Variants in ADGRE1 observed in about 807,000 individuals in gnomAD.
The protein encoded by ADGRE1 is adhesion G protein-coupled receptor E1.
ADGRE1 carries 82 observed loss-of-function variants against 102.7 expected under a neutral mutation model. That is an observed-to-expected ratio of 0.80 (90% CI 0.67 to 0.96). The LOEUF (loss-of-function observed/expected upper bound fraction) is 0.96. Ranked by LOEUF, ADGRE1 falls within the 40% of genes least tolerant of loss-of-function variation. The pLI is 0.00. For missense variants in ADGRE1, 1,032 were observed against 1,085.3 expected, an observed-to-expected ratio of 0.95 and a Z score of 0.69; for synonymous variants, 398 against 399.6, an observed-to-expected ratio of 1.00 and a Z score of 0.05.
At chr19:6,939,972 GT>G in intron 20 of ADGRE1, 51 bp from the exon 21 acceptor site, 1 of 1,605,014 alleles carries the variant, frequency 6.2e-7, no homozygotes, top group South Asian at 1.1e-5. Flanking sequence ...TTGGAATCAC[GT>G]TTGTATTAAT....
chr19:6,935,816 G>A (rs745308802), intron 18 of ADGRE1, among the ~76,000 whole-genome samples: 13 of 152,290 alleles, frequency 8.5e-5, no homozygotes, highest in Non-Finnish European at 1.8e-4. Flanking sequence ...ATTTGTTTCC[G>A]ACGGTGAGAA....
chr19:6,889,504 C>T (rs1973272910), intron 1 of ADGRE1, among the ~76,000 whole-genome samples: 1 of 151,762 alleles, frequency 6.6e-6, no homozygotes, highest in Non-Finnish European at 1.5e-5. Context: ...TCCTGGCCAA[C>T]ATGGAGAAAC....
chr19:6,928,653 G>A (rs748079280), intron 17 of ADGRE1: 13 of 171,984 alleles, frequency 7.6e-5, no homozygotes, highest in Non-Finnish European at 1.6e-4. Flanking sequence ...AAATAAATAA[G>A]TTATCGGCCA....
Position 6,908,197 on chromosome 19 carries a change from C to T in ADGRE1, c.1039-492C>T, listed in dbSNP as rs564041515. ...CCTGCTGCAGATAACTAGCCAGACC[C>T]ATCCCTTTATTTCGGCCCATCCCTT... On this transcript the variant is annotated intron_variant, in intron 9 of 20. Transcript: ENST00000312053. Among the ~76,000 whole-genome samples, 5 of 152,364 alleles carry T rather than the reference C, an allele frequency of 3.3e-5. No homozygotes were observed. The East Asian group carries it at 9.6e-4, about 29-fold the overall frequency.
Position 6,904,178 on chromosome 19 carries a change from C to G in ADGRE1, c.945C>G (p.Cys315Trp). 2 of 1,613,814 alleles carry G rather than the reference C, an allele frequency of 1.2e-6. No individual in the cohort carries two copies. Among genetic ancestry groups the G allele is most frequent in the Non-Finnish European group, 1.7e-6 (2 of 1,179,986 alleles). ...EGSQKDGNFS[C>W]QRVLFKCKED... The stretch of plus-strand genomic sequence containing the variant: ...CCCAGAAAGATGGCAACTTCAGCTG[C>G]CAAAGTAATAATCTCTTTGTATGTC... Residue 315 changes from cysteine to tryptophan, a missense_variant, in exon 8 of 21, where the codon TGC becomes TGG. Coordinates refer to ENST00000312053, the MANE Select transcript of ADGRE1 (RefSeq NM_001974.5).
rs182145812 is a variant in ADGRE1, at chr19:6,893,069, C to T, written c.94+2526C>T. Among the ~76,000 whole-genome samples, 156 of 152,324 alleles carry T rather than the reference C, an allele frequency of 1.0e-3. 1 individual carries two copies. The Middle Eastern group carries it at 0.034, about 33-fold the overall frequency. On this transcript the variant is annotated intron_variant, in intron 2 of 20. Coordinates refer to ENST00000312053, the MANE Select transcript of ADGRE1 (RefSeq NM_001974.5). ...TGATGATGATGATTTTTAGCTCCCA[C>T]GTAGGAACGAGAACATGCAATATTT...
chr19:6,939,894 T>G, intron 20 of ADGRE1, 130 bp from the exon 21 acceptor site: 1 of 1,106,254 alleles, frequency 9.0e-7, no homozygotes, highest in Non-Finnish European at 1.3e-6. Context: ...GCATTTAACA[T>G]TTTAGTGTTT....
chr19:6,911,559 T>A lies in ADGRE1; in HGVS notation c.1123-2094T>A, dbSNP rs141039290. 2.0e-4 allele frequency among the ~76,000 whole-genome samples: 31 copies of A among 151,746 alleles called. 1 individual carries two copies. Among genetic ancestry groups the A allele is most frequent in the African/African-American group, 7.5e-4 (31 of 41,236 alleles). On this transcript the variant is annotated intron_variant, in intron 10 of 20. Transcript: ENST00000312053. ...TCCAGTGTTAAGAGGTAGATAAGTA[T>A]CTTCCCCTATCTTTTTACCTTGTAA...
intron 15 of ADGRE1, among the ~76,000 whole-genome samples, chr19:6,926,084 G>T (rs1316103811): frequency 2.0e-5 from 3 of 152,088 alleles, no homozygotes; most frequent in African/African-American, 4.8e-5. Flanking sequence ...CCTAAAGTAG[G>T]GTGATCGACA....
At chr19:6,933,895 G>T (rs1351126436) in intron 17 of ADGRE1, among the ~76,000 whole-genome samples, 1 of 149,684 alleles carries the variant, frequency 6.7e-6, no homozygotes, top group African/African-American at 2.5e-5. Flanking sequence ...TCTTGCTCAG[G>T]AATGCTTTTG....
chr19:6,922,014 G>C lies in ADGRE1; in HGVS notation c.1791+131G>C, dbSNP rs557359186. On this transcript the variant is annotated intron_variant, in intron 14 of 20. Transcript: ENST00000312053. ...GTGGGATGGAGTCACGGGGACAGAAGGGGTAGGTGATATGCCTTTGCCCCT... is the reference window on the plus strand; with the variant it reads ...GTGGGATGGAGTCACGGGGACAGAACGGGTAGGTGATATGCCTTTGCCCCT... 4.6e-6 allele frequency: 5 copies of C among 1,076,864 alleles called. No individual in the cohort carries two copies. In the South Asian group the frequency reaches 6.9e-5, roughly 15 times the overall value. The allele number at this position is 1,076,864 out of a possible 1,614,324, so 66.7% of individuals were successfully genotyped here.
chr19:6,896,435 T>C lies in ADGRE1; in HGVS notation c.132T>C (p.Tyr44=). The C allele has an allele frequency of 1.2e-6, 2 of 1,614,148 alleles. No homozygotes were observed. The highest frequency in any genetic ancestry group is 1.7e-6 in the Non-Finnish European group (2 of 1,179,988). The stretch of plus-strand genomic sequence containing the variant: ...GAGACAGTACCTTGTGCCCAGCTTA[T>C]GCCACCTGCACCAATACAGTGGACA... ...NCRDSTLCPA[Y]ATCTNTVDSY... is the part of the protein sequence containing the mutation. The change falls in exon 3 of 21, where the codon TAT becomes TAC. Residue 44 remains tyrosine (Y), a synonymous_variant. Coordinates refer to ENST00000312053, the MANE Select transcript of ADGRE1 (RefSeq NM_001974.5).
chr19:6,921,938 G>A (rs1013064371), intron 14 of ADGRE1, 55 bp downstream of exon 14: 3 of 1,527,644 alleles, frequency 2.0e-6, no homozygotes, highest in East Asian at 2.3e-5. Context: ...AAATCCAATG[G>A]GAAAATATTG....
chr19:6,925,529 C>T (rs1432566630), intron 15 of ADGRE1, among the ~76,000 whole-genome samples: 2 of 152,076 alleles, frequency 1.3e-5, no homozygotes, highest in Admixed American at 6.6e-5. Flanking sequence ...ACTGGAGCAG[C>T]GTGCTACTGC....
chr19:6,908,812 A>G (rs764536562), intron 10 of ADGRE1, 40 bp downstream of exon 10: 2 of 1,576,692 alleles, frequency 1.3e-6, no homozygotes, highest in East Asian at 2.2e-5. Context: ...TGAGTTTCAA[A>G]CATCTTGGGC....
intron 11 of ADGRE1, among the ~76,000 whole-genome samples, chr19:6,914,088 C>T (rs455476): frequency 0.72 from 109,616 of 152,234 alleles, 39,969 homozygotes; most frequent in East Asian, 0.77. Flanking sequence ...ATGTGCTGGG[C>T]TAAGGTATGA....
chr19:6,921,290 C>T (rs145819494), intron 13 of ADGRE1, among the ~76,000 whole-genome samples: 334 of 152,168 alleles, frequency 2.2e-3, no homozygotes, highest in Non-Finnish European at 3.9e-3. Context: ...GGCATGGTGG[C>T]GGGCACCTGT....
chr19:6,906,410 G>A, intron 8 of ADGRE1, 23 bp from the exon 9 acceptor site: 1 of 1,590,626 alleles, frequency 6.3e-7, no homozygotes, highest in South Asian at 1.1e-5. Context: ...AGTTTGGTTT[G>A]GTTGCTGTTG....
intron 18 of ADGRE1, among the ~76,000 whole-genome samples, chr19:6,936,308 C>T (rs1975399044): frequency 6.6e-6 from 1 of 151,416 alleles, no homozygotes; most frequent in Non-Finnish European, 1.5e-5. Context: ...TGGTGGTGGG[C>T]ACCTGTAGTC....
Sources: gnomAD v4.1 joint callset for allele counts (sites outside exome capture counted in the v4.1 genomes callset) on GRCh38, gnomAD v4.1.1 for gene constraint, MANE v1.5 for transcripts, NCBI Gene and HGNC (gene_info 2026-07-23, HGNC 2026-07-21) for gene names.